Variants in CENPP observed in about 807,000 individuals in gnomAD.
The protein encoded by CENPP is centromere protein P.
CENPP carries 24 observed loss-of-function variants against 35.6 expected under a neutral mutation model. That is an observed-to-expected ratio of 0.67 (90% confidence interval 0.49 to 0.95). CENPP has a LOEUF of 0.95. CENPP is among the 40% of genes least tolerant of loss of function. The probability of loss-of-function intolerance (pLI) is 0.00; values close to 1 mark genes in which losing one functional copy is unlikely to be tolerated. For missense variants in CENPP, 332 were observed against 345.3 expected, an observed-to-expected ratio of 0.96 and a Z score of 0.31; for synonymous variants, 120 against 125.5, an observed-to-expected ratio of 0.96 and a Z score of 0.29.
intron 5 of CENPP, among the ~76,000 whole-genome samples, chr9:92,468,056 G>A (rs1845377974): frequency 6.6e-6 from 1 of 152,204 alleles, no homozygotes. Context: ...ATGAGGAAAT[G>A]CGTAAAGTGA....
chr9:92,361,475 T>G (rs1171000906), intron 4 of CENPP, among the ~76,000 whole-genome samples: 1 of 142,524 alleles, frequency 7.0e-6, no homozygotes, highest in African/African-American at 2.6e-5. Flanking sequence ...TTTATTTTAT[T>G]TTATTTTATT....
intron 5 of CENPP, among the ~76,000 whole-genome samples, chr9:92,516,036 C>G (rs997479544): frequency 2.0e-5 from 3 of 150,984 alleles, no homozygotes; most frequent in Non-Finnish European, 4.4e-5. Context: ...GTAAACAGTT[C>G]TAGGAAGAAC....
intron 5 of CENPP, among the ~76,000 whole-genome samples, chr9:92,599,380 T>G (rs1850855000): frequency 6.6e-6 from 1 of 152,108 alleles, no homozygotes. Flanking sequence ...CGGGAGGGAT[T>G]GTGTGGTCAG....
At chr9:92,436,270 G>C (rs531105775) in intron 5 of CENPP, among the ~76,000 whole-genome samples, 1 of 152,148 alleles carries the variant, frequency 6.6e-6, no homozygotes, top group African/African-American at 2.4e-5. Context: ...ATTTGCTCTT[G>C]AGTTTTATCA....
intron 5 of CENPP, chr9:92,474,548 A>T (rs952838000): frequency 6.6e-7 from 1 of 1,521,926 alleles, no homozygotes. Flanking sequence ...TGAAATTTCA[A>T]TGAGACTTTT....
At chr9:92,398,157 C>T (rs1370811674) in intron 5 of CENPP, among the ~76,000 whole-genome samples, 2 of 152,086 alleles carry the variant, frequency 1.3e-5, no homozygotes, top group Non-Finnish European at 2.9e-5. Flanking sequence ...GTTTATAGTT[C>T]TTTTTTGTCC....
intron 5 of CENPP, among the ~76,000 whole-genome samples, chr9:92,574,528 G>A (rs1850232152): frequency 6.6e-6 from 1 of 152,174 alleles, no homozygotes; most frequent in Admixed American, 6.6e-5. Flanking sequence ...CCAAGAAGGT[G>A]AAAGATTTGT....
chr9:92,506,405 A>G (rs185844767), intron 5 of CENPP, among the ~76,000 whole-genome samples: 1 of 152,274 alleles, frequency 6.6e-6, no homozygotes, highest in Admixed American at 6.5e-5. Flanking sequence ...CTTTGTTTCT[A>G]CTAGTCTCAG....
intron 5 of CENPP, among the ~76,000 whole-genome samples, chr9:92,423,404 T>C (rs1020394049): frequency 6.6e-6 from 1 of 152,150 alleles, no homozygotes; most frequent in Non-Finnish European, 1.5e-5. Flanking sequence ...TGAGGTATAA[T>C]TTACTTGTTC....
chr9:92,330,840 C>T (rs555584240), intron 1 of CENPP, among the ~76,000 whole-genome samples: 42 of 152,110 alleles, frequency 2.8e-4, no homozygotes, highest in African/African-American at 9.6e-4. Flanking sequence ...AGGCACCCGC[C>T]ACCACTCGAG....
At position 92,619,638 on chromosome 9, in the gene CENPP, G is replaced by T; in HGVS notation, c.*6489G>T. ...CCCCCCCACACAACCTTCCTTCCCA[G>T]TAGCCAAGTGTGGGAACTGCTTCCT... is the stretch of plus-strand genomic sequence containing the variant. On this transcript the variant is annotated 3_prime_UTR_variant, in exon 8 of 8. Coordinates refer to ENST00000375587, the MANE Select transcript of CENPP (RefSeq NM_001012267.3). 1.5e-6 allele frequency: 2 copies of T among 1,319,510 alleles called. No homozygotes were observed. The highest frequency in any genetic ancestry group is 1.1e-6 in the Non-Finnish European group (1 of 939,718). 81.7% of individuals were successfully genotyped at this position (1,319,510 alleles called of 1,614,324 possible).
At chr9:92,600,317 T>C (rs949164342) in intron 5 of CENPP, 3 of 1,498,494 alleles carry the variant, frequency 2.0e-6, no homozygotes, top group African/African-American at 1.4e-5. Context: ...CATGCTTGCA[T>C]TTGCTGTTTG....
chr9:92,457,485 T>G (rs1480115790), intron 5 of CENPP: 1 of 1,595,160 alleles, frequency 6.3e-7, no homozygotes, highest in Non-Finnish European at 8.6e-7. Flanking sequence ...AGGAAGATTA[T>G]CTGTTGTAGT....
intron 5 of CENPP, among the ~76,000 whole-genome samples, chr9:92,404,090 G>C (rs1843228566): frequency 6.6e-6 from 1 of 152,084 alleles, no homozygotes; most frequent in Admixed American, 6.6e-5. Context: ...GCAGGCTAGA[G>C]GAAATACCGA....
At chr9:92,406,266 G>T (rs1433453142) in intron 5 of CENPP, among the ~76,000 whole-genome samples, 1 of 152,104 alleles carries the variant, frequency 6.6e-6, no homozygotes, top group Non-Finnish European at 1.5e-5. Context: ...AAGTCAGGGG[G>T]ATGGACCATA....
intron 5 of CENPP, among the ~76,000 whole-genome samples, chr9:92,461,190 C>T (rs1431193397): frequency 1.3e-5 from 2 of 152,052 alleles, no homozygotes; most frequent in African/African-American, 4.8e-5. Flanking sequence ...AAATCTTATA[C>T]ATAATGTCAT....
chr9:92,619,266 C>T lies in CENPP; in HGVS notation c.*6117C>T. ...AGTAACTTTCAATGTACTAACAATC[C>T]TTTTAAGTTATTCTCCATAAATCTG... On this transcript the variant is annotated 3_prime_UTR_variant, in exon 8 of 8. Transcript: ENST00000375587. 1.9e-6 allele frequency: 1 copy of T among 536,010 alleles called. No individual in the cohort carries two copies. The highest frequency in any genetic ancestry group is 3.4e-6 in the Non-Finnish European group (1 of 298,190). 33.2% of individuals were successfully genotyped at this position (536,010 alleles called of 1,614,324 possible). A position where few individuals can be genotyped will look rare whatever the true frequency, so the allele number is the denominator to read the frequency against.
chr9:92,539,731 T>C (rs556190854), intron 5 of CENPP, among the ~76,000 whole-genome samples: 2 of 152,304 alleles, frequency 1.3e-5, no homozygotes, highest in Admixed American at 6.5e-5. Flanking sequence ...CCTTTTAAGC[T>C]ATACTAAAGT....
At chr9:92,462,044 CT>C (rs1845135845) in intron 5 of CENPP, among the ~76,000 whole-genome samples, 1 of 152,072 alleles carries the variant, frequency 6.6e-6, no homozygotes, top group Non-Finnish European at 1.5e-5. Context: ...GTAGCGCAGT[CT>C]TGGCTCACTG....
Sources: gnomAD v4.1 joint callset for allele counts (sites outside exome capture counted in the v4.1 genomes callset) on GRCh38, gnomAD v4.1.1 for gene constraint, MANE v1.5 for transcripts, NCBI Gene and HGNC (gene_info 2026-07-23, HGNC 2026-07-21) for gene names.